Variants in LIMS1 observed in about 807,000 individuals in gnomAD.
The protein encoded by LIMS1 is LIM zinc finger domain containing 1.
A neutral mutation model predicts 44.1 loss-of-function variants in LIMS1; 18 were observed. The observed-to-expected ratio is 0.41, with a 90% confidence interval of 0.28 to 0.61. LIMS1 has a LOEUF of 0.61. Ranked by LOEUF, LIMS1 falls within the 20% of genes least tolerant of loss-of-function variation. LIMS1 has a pLI of 0.32. For synonymous variants in LIMS1, 93 were observed against 149.1 expected (o/e 0.62, Z 2.74); for missense variants, 201 against 422.0 (o/e 0.48, Z 4.59).
chr2:108,587,326 G>A (rs1343798718), intron 1 of LIMS1, among the ~76,000 whole-genome samples: 1 of 150,868 alleles, frequency 6.6e-6, no homozygotes. Context: ...GTGTGTGTGT[G>A]TGTGTGTGTG....
rs559437100 is a variant in LIMS1 at position 108,584,152 on chromosome 2, A to G, written c.32+49558A>G. ...TGGAGAGAAGCAAACCCACTCTTACATAGTCTATAAATGAAAGTGATCTCT... is the reference window on the plus strand; with the variant it reads ...TGGAGAGAAGCAAACCCACTCTTACGTAGTCTATAAATGAAAGTGATCTCT... On this transcript the variant is annotated intron_variant, in intron 1 of 9. Transcript: ENST00000544547. Among the ~76,000 whole-genome samples, 7 of 152,272 alleles carry G rather than the reference A, an allele frequency of 4.6e-5. No homozygotes were observed. The East Asian group carries it at 5.8e-4, about 13-fold the overall frequency.
intron 8 of LIMS1, among the ~76,000 whole-genome samples, chr2:108,678,270 A>G (rs1250581571): frequency 1.3e-5 from 2 of 152,242 alleles, no homozygotes; most frequent in Non-Finnish European, 2.9e-5. Context: ...GCCAGCAATC[A>G]TGGGAACTGT....
intron 1 of LIMS1, among the ~76,000 whole-genome samples, chr2:108,627,982 A>G (rs1364979730): frequency 5.9e-5 from 9 of 152,266 alleles, no homozygotes; most frequent in Non-Finnish European, 1.5e-5. Flanking sequence ...TCTGGACACC[A>G]GAAGTCAGAA....
intron 2 of LIMS1, among the ~76,000 whole-genome samples, chr2:108,669,860 A>G (rs1692048251): frequency 6.6e-6 from 1 of 152,214 alleles, no homozygotes; most frequent in Admixed American, 6.5e-5. Context: ...TACTCATTTC[A>G]CTATCACTAA....
intron 1 of LIMS1, among the ~76,000 whole-genome samples, chr2:108,579,309 A>ACT (rs1458246698): frequency 6.6e-6 from 1 of 152,222 alleles, no homozygotes; most frequent in African/African-American, 2.4e-5. Context: ...CTCTTATAGT[A>ACT]AGTGGCATGA....
At chr2:108,639,712 A>G (rs971323510) in intron 1 of LIMS1, among the ~76,000 whole-genome samples, 3 of 152,186 alleles carry the variant, frequency 2.0e-5, no homozygotes, top group African/African-American at 4.8e-5. Context: ...TGGCCTCCCA[A>G]AGTGCTGGGA....
At position 108,547,603 on chromosome 2, in the gene LIMS1, G is replaced by T. The variant is rs17036471; in HGVS notation, c.32+13009G>T. Among the ~76,000 whole-genome samples, 1,305 of 152,274 alleles carry T rather than the reference G, an allele frequency of 8.6e-3. 17 individuals are homozygous for T. The highest frequency in any genetic ancestry group is 0.03 in the African/African-American group (1,238 of 41,538). On this transcript the variant is annotated intron_variant, in intron 1 of 9. Transcript: ENST00000544547. ...TAGAAGCTAAAGCATAGGAATATAG[G>T]TTAAAATTTAGCCTGGTTCCTCAGG... is the stretch of plus-strand genomic sequence containing the variant.
chr2:108,586,649 G>T (rs3806527), intron 1 of LIMS1, among the ~76,000 whole-genome samples: 62,752 of 152,022 alleles, frequency 0.41, 14,878 homozygotes, highest in East Asian at 0.94. Context: ...ATGCCAGTCT[G>T]CCCAGGATGT....
chr2:108,543,852 C>A (rs1684394788), intron 1 of LIMS1, among the ~76,000 whole-genome samples: 1 of 152,146 alleles, frequency 6.6e-6, no homozygotes, highest in Admixed American at 6.5e-5. Flanking sequence ...TCTCTTCCTC[C>A]CCTGTTCATC....
chr2:108,677,261 A>T (rs1031783245), intron 7 of LIMS1: 14 of 152,804 alleles, frequency 9.2e-5, no homozygotes, highest in African/African-American at 3.4e-4. Flanking sequence ...TTTTGGAGGG[A>T]TGCAGAGGGC....
At chr2:108,598,571 G>T (rs1437775167) in intron 1 of LIMS1, among the ~76,000 whole-genome samples, 1 of 152,210 alleles carries the variant, frequency 6.6e-6, no homozygotes, top group Non-Finnish European at 1.5e-5. Context: ...AGCCATCTGG[G>T]GGGTGGTGGG....
intron 1 of LIMS1, among the ~76,000 whole-genome samples, chr2:108,568,134 T>C (rs907953773): frequency 1.3e-5 from 2 of 152,238 alleles, no homozygotes; most frequent in African/African-American, 4.8e-5. Context: ...AAATATGCCA[T>C]AGGAACTTAA....
chr2:108,547,662 G>A (rs1206711023), intron 1 of LIMS1, among the ~76,000 whole-genome samples: 4 of 152,134 alleles, frequency 2.6e-5, no homozygotes, highest in Non-Finnish European at 4.4e-5. Context: ...TTATTCTAAT[G>A]GGAAGTTTCA....
chr2:108,576,431 C>T (rs1406688675), intron 1 of LIMS1, among the ~76,000 whole-genome samples: 2 of 152,126 alleles, frequency 1.3e-5, no homozygotes, highest in Admixed American at 6.5e-5. Flanking sequence ...GATGGAGTCT[C>T]GCCCTCTCAC....
intron 1 of LIMS1, among the ~76,000 whole-genome samples, chr2:108,596,977 T>A (rs1325769997): frequency 1.4e-5 from 2 of 138,188 alleles, no homozygotes; most frequent in Non-Finnish European, 3.1e-5. Context: ...GGCATGATCT[T>A]GGCTCACTGC....
intron 1 of LIMS1, among the ~76,000 whole-genome samples, chr2:108,550,688 T>C (rs955004205): frequency 6.7e-6 from 1 of 149,162 alleles, no homozygotes; most frequent in Non-Finnish European, 1.5e-5. Flanking sequence ...TCGTGGCGGG[T>C]GCCTGTAGTC....
chr2:108,548,782 A>T lies in LIMS1; in HGVS notation c.32+14188A>T, dbSNP rs114025798. ...GCTTTCTATGACGGAAGTTACGGCG[A>T]TAGGTTTTGGAATGTGGAGGGTGAT... On this transcript the variant is annotated intron_variant, in intron 1 of 9. Transcript: ENST00000544547. 5.0e-3 allele frequency among the ~76,000 whole-genome samples: 763 copies of T among 152,272 alleles called. 7 individuals carry two copies. The highest frequency in any genetic ancestry group is 0.015 in the African/African-American group (619 of 41,552).
intron 1 of LIMS1, among the ~76,000 whole-genome samples, chr2:108,612,652 G>A (rs930467817): frequency 2.6e-5 from 4 of 152,136 alleles, no homozygotes; most frequent in African/African-American, 9.7e-5. Context: ...ACCAGCTGAA[G>A]AGGAATACTC....
chr2:108,560,386 G>A (rs1228746538), intron 1 of LIMS1, among the ~76,000 whole-genome samples: 1 of 152,068 alleles, frequency 6.6e-6, no homozygotes, highest in African/African-American at 2.4e-5. Context: ...TTGGCCCCCT[G>A]CTGCCCTCTG....
Sources: gnomAD v4.1 joint callset for allele counts (sites outside exome capture counted in the v4.1 genomes callset) on GRCh38, gnomAD v4.1.1 for gene constraint, MANE v1.5 for transcripts, NCBI Gene and HGNC (gene_info 2026-07-23, HGNC 2026-07-21) for gene names.